Variants in ARHGEF3 observed in about 807,000 individuals in gnomAD.
ARHGEF3 encodes the protein 59.8 kDA protein.
In ARHGEF3, 28 loss-of-function variants were observed where a neutral mutation model predicts 63.2. That is an observed-to-expected ratio of 0.44 (90% CI 0.33 to 0.61). The LOEUF (loss-of-function observed/expected upper bound fraction) is 0.61, where lower values mean the gene tolerates loss of function less well. Among genes scored for constraint, ARHGEF3 ranks in the 20% least tolerant of loss-of-function variants. The probability of loss-of-function intolerance (pLI) is 0.03; values close to 1 mark genes in which losing one functional copy is unlikely to be tolerated. For missense variants in ARHGEF3, 533 were observed against 659.3 expected (o/e 0.81, Z 2.10); for synonymous variants, 266 against 254.2 (o/e 1.05, Z -0.44).
rs76310260 is a variant in ARHGEF3, at chr3:56,860,782, A to G, written c.192+21510T>C. The stretch of plus-strand genomic sequence containing the variant: ...GAGTTTGACTAAGGAGTGTAATCTG[A>G]TTTATGTTTCTAAAAAGATCTGCCT... On this transcript the variant is annotated intron_variant, in intron 4 of 12. Transcript: ENST00000338458. Among the ~76,000 whole-genome samples the G allele has an allele frequency of 5.8e-4, 89 of 152,270 alleles. No homozygotes were observed. The East Asian group carries it at 0.016, about 28-fold the overall frequency.
At chr3:56,975,725 A>G (rs1486567316) in intron 2 of ARHGEF3, 1 of 394,684 alleles carries the variant, frequency 2.5e-6, no homozygotes, top group East Asian at 7.9e-5. Flanking sequence ...AGAAGCAGCC[A>G]CAACAGAGGA....
intron 3 of ARHGEF3, among the ~76,000 whole-genome samples, chr3:56,903,286 A>G (rs1432092218): frequency 1.3e-5 from 2 of 152,240 alleles, no homozygotes; most frequent in Non-Finnish European, 2.9e-5. Context: ...GTTTGGAGAC[A>G]TCAGGGCTCT....
At chr3:56,916,862 A>G (rs529630465) in intron 3 of ARHGEF3, among the ~76,000 whole-genome samples, 117 of 152,336 alleles carry the variant, frequency 7.7e-4, no homozygotes, top group South Asian at 2.1e-3. Flanking sequence ...TCCGGGATAC[A>G]GAGCCCACAC....
chr3:56,830,871 T>C (rs1398532193), intron 4 of ARHGEF3, among the ~76,000 whole-genome samples: 1 of 152,168 alleles, frequency 6.6e-6, no homozygotes, highest in Admixed American at 6.5e-5. Context: ...TCAGAGTCTT[T>C]CCTGACCTCC....
At chr3:57,058,834 C>G (rs537355441) in intron 1 of ARHGEF3, among the ~76,000 whole-genome samples, 1 of 152,008 alleles carries the variant, frequency 6.6e-6, no homozygotes, top group African/African-American at 2.4e-5. Context: ...GAGTTCATGT[C>G]CTTTGTAGGG....
intron 3 of ARHGEF3, among the ~76,000 whole-genome samples, chr3:56,955,734 A>G (rs993369103): frequency 5.7e-4 from 87 of 152,360 alleles, no homozygotes; most frequent in African/African-American, 2.0e-3. Flanking sequence ...AAGATGTGTC[A>G]GCTAGATGAT....
intron 6 of ARHGEF3, among the ~76,000 whole-genome samples, chr3:56,747,458 C>A (rs2034459890): frequency 6.6e-6 from 1 of 152,184 alleles, no homozygotes; most frequent in Non-Finnish European, 1.5e-5. Context: ...CCCAAGTGAT[C>A]TTTAACTACA....
intron 4 of ARHGEF3, among the ~76,000 whole-genome samples, chr3:56,847,959 G>A (rs1226065503): frequency 6.6e-6 from 1 of 152,150 alleles, no homozygotes; most frequent in Non-Finnish European, 1.5e-5. Context: ...TAGGATGTGG[G>A]GGAAGGAAGG....
intron 1 of ARHGEF3, among the ~76,000 whole-genome samples, chr3:57,075,714 G>A (rs374922252): frequency 1.3e-5 from 2 of 152,276 alleles, no homozygotes; most frequent in East Asian, 3.9e-4. Flanking sequence ...GGAGGCTGAG[G>A]TGGGAGGATT....
intron 2 of ARHGEF3, among the ~76,000 whole-genome samples, chr3:56,966,389 T>A (rs916928643): frequency 6.6e-6 from 1 of 152,262 alleles, no homozygotes; most frequent in Non-Finnish European, 1.5e-5. Context: ...TTAGACAGCA[T>A]AAATGTGGAC....
chr3:57,073,071 A>T (rs1167743675), intron 1 of ARHGEF3, among the ~76,000 whole-genome samples: 3 of 152,068 alleles, frequency 2.0e-5, no homozygotes, highest in Non-Finnish European at 4.4e-5. Flanking sequence ...AAGAAAAAAC[A>T]TTAGTTGGTA....
rs140302300 is a variant in ARHGEF3, at chr3:56,796,471, G to A, written c.96+5232C>T. On this transcript the variant is annotated intron_variant, in intron 1 of 9. Transcript: ENST00000296315. ...AATTCTGCCAAAGACCAGCTCCTTGGTCTTGAGAAACACAAAATGAAAATT... is the reference window on the plus strand; with the variant it reads ...AATTCTGCCAAAGACCAGCTCCTTGATCTTGAGAAACACAAAATGAAAATT... Among the ~76,000 whole-genome samples the A allele has an allele frequency of 1.5e-4, 23 of 152,296 alleles. No homozygotes were observed. The East Asian group carries it at 4.2e-3, about 28-fold the overall frequency.
At chr3:57,033,948 G>A (rs1703842034) in intron 2 of ARHGEF3, among the ~76,000 whole-genome samples, 2 of 152,110 alleles carry the variant, frequency 1.3e-5, no homozygotes, top group Middle Eastern at 3.4e-3. Context: ...AGGAGGCTGA[G>A]GCAGGAGAAT....
intron 2 of ARHGEF3, among the ~76,000 whole-genome samples, chr3:56,967,850 T>A (rs1225589311): frequency 2.1e-5 from 1 of 48,668 alleles, no homozygotes; most frequent in African/African-American, 6.9e-5. Context: ...TATTATTATA[T>A]AATATATAAT....
chr3:56,895,573 C>T (rs1364163579), intron 3 of ARHGEF3, among the ~76,000 whole-genome samples: 3 of 152,044 alleles, frequency 2.0e-5, no homozygotes, highest in African/African-American at 7.2e-5. Context: ...ACGCCATTCT[C>T]CTGGCTCAGC....
intron 2 of ARHGEF3, among the ~76,000 whole-genome samples, chr3:57,002,478 GTTATATATATATATATATGTTATATATA>G (rs1560122724): frequency 0.064 from 846 of 13,204 alleles, 58 homozygotes; most frequent in Non-Finnish European, 0.079. Flanking sequence ...ATATATATAT[GTTATATATATATATATATGTTATATATA>G]TATATATGTT....
chr3:57,069,411 A>ACACACACACACACACACAC (rs71076015), intron 1 of ARHGEF3, among the ~76,000 whole-genome samples: 1 of 147,696 alleles, frequency 6.8e-6, no homozygotes, highest in African/African-American at 2.5e-5. Flanking sequence ...ACACACACAC[A>ACACACACACACACACACAC]TTGTTTGTTT....
chr3:57,030,796 T>C (rs1490694324), intron 2 of ARHGEF3, among the ~76,000 whole-genome samples: 2 of 152,212 alleles, frequency 1.3e-5, no homozygotes, highest in Admixed American at 6.5e-5. Flanking sequence ...TCCTATACTC[T>C]TGGGCCCCTA....
chr3:57,073,879 G>T (rs752646153), intron 1 of ARHGEF3: 1 of 1,614,204 alleles, frequency 6.2e-7, no homozygotes, highest in Non-Finnish European at 8.5e-7. Flanking sequence ...GTCCTGCCAG[G>T]AGCAGCCTCT....
Sources: gnomAD v4.1 joint callset for allele counts (sites outside exome capture counted in the v4.1 genomes callset) on GRCh38, gnomAD v4.1.1 for gene constraint, MANE v1.5 for transcripts, NCBI Gene and HGNC (gene_info 2026-07-23, HGNC 2026-07-21) for gene names.